The following GPM6A variants were observed in gnomAD, a reference collection of about 807,000 sequenced individuals.
The protein encoded by GPM6A is glycoprotein M6A.
In GPM6A, 7 loss-of-function variants were observed where a neutral mutation model predicts 32.1. The ratio of observed to expected loss-of-function variants is 0.22; its 90% CI spans 0.12 to 0.41. GPM6A has a LOEUF of 0.41. GPM6A is among the 10% of genes least tolerant of loss of function. GPM6A has a pLI of 1.00. For synonymous variants in GPM6A, 130 were observed against 123.4 expected, an observed-to-expected ratio of 1.05 and a Z score of -0.35; for missense variants, 235 against 347.2, an observed-to-expected ratio of 0.68 and a Z score of 2.57.
At chr4:175,709,894 A>G (rs1050268576) in intron 1 of GPM6A, among the ~76,000 whole-genome samples, 3 of 152,194 alleles carry the variant, frequency 2.0e-5, no homozygotes, top group Non-Finnish European at 4.4e-5. Flanking sequence ...GCTAGTCATG[A>G]TATCAGAATA....
chr4:175,936,175 G>A (rs1191805893), intron 1 of GPM6A, among the ~76,000 whole-genome samples: 7 of 150,472 alleles, frequency 4.7e-5, no homozygotes, highest in African/African-American at 1.7e-4. Flanking sequence ...GCTTGGTGGC[G>A]GGCGCCTGTA....
chr4:175,754,039 A>T (rs886550264), intron 1 of GPM6A, among the ~76,000 whole-genome samples: 1 of 152,148 alleles, frequency 6.6e-6, no homozygotes, highest in Non-Finnish European at 1.5e-5. Context: ...CAATCTATCA[A>T]TTCACTTGTT....
intron 1 of GPM6A, among the ~76,000 whole-genome samples, chr4:175,928,157 G>A (rs1265284063): frequency 2.0e-5 from 3 of 152,048 alleles, no homozygotes; most frequent in East Asian, 1.9e-4. Flanking sequence ...ATAAGTGTCC[G>A]GAAGTGAGCA....
chr4:175,662,021 T>A lies in GPM6A; in HGVS notation c.388-10034A>T, dbSNP rs189869558. On this transcript the variant is annotated intron_variant, in intron 3 of 6. Coordinates refer to ENST00000393658, the MANE Select transcript of GPM6A (RefSeq NM_201591.3). ...ATATAGACTGAAATGATAAATTTTTTTAAAAAAAATTACATCCAGGTTTGT... is the reference window on the plus strand; with the variant it reads ...ATATAGACTGAAATGATAAATTTTTATAAAAAAAATTACATCCAGGTTTGT... Among the ~76,000 whole-genome samples the A allele has an allele frequency of 4.0e-3, 610 of 152,206 alleles. 6 individuals carry two copies. Among genetic ancestry groups the A allele is most frequent in the Middle Eastern group, 0.017 (5 of 294 alleles).
At chr4:175,841,998 A>T (rs1735951821) in intron 1 of GPM6A, among the ~76,000 whole-genome samples, 1 of 152,038 alleles carries the variant, frequency 6.6e-6, no homozygotes, top group Admixed American at 6.6e-5. Flanking sequence ...AGCCAAAATA[A>T]TTTTTTCATT....
intron 1 of GPM6A, among the ~76,000 whole-genome samples, chr4:175,900,497 C>CCA (rs1579610255): frequency 6.9e-6 from 1 of 144,188 alleles, no homozygotes; most frequent in East Asian, 2.0e-4. Flanking sequence ...ATACAAATGG[C>CCA]AAAAAAAAAA....
chr4:175,655,222 A>G (rs1381905865), intron 3 of GPM6A, among the ~76,000 whole-genome samples: 1 of 152,152 alleles, frequency 6.6e-6, no homozygotes, highest in African/African-American at 2.4e-5. Flanking sequence ...GTTTTGTTCT[A>G]GAAAAATGCA....
chr4:175,958,173 G>T (rs1487880053), intron 1 of GPM6A, among the ~76,000 whole-genome samples: 1 of 152,194 alleles, frequency 6.6e-6, no homozygotes, highest in African/African-American at 2.4e-5. Flanking sequence ...GATTACAGGC[G>T]TGAGCCACCA....
At chr4:175,944,889 G>A (rs1739539142) in intron 1 of GPM6A, among the ~76,000 whole-genome samples, 1 of 151,770 alleles carries the variant, frequency 6.6e-6, no homozygotes, top group African/African-American at 2.4e-5. Flanking sequence ...CATAAATACA[G>A]ACGTCTCAGT....
chr4:175,839,194 A>G (rs1735865609), intron 1 of GPM6A, among the ~76,000 whole-genome samples: 1 of 152,200 alleles, frequency 6.6e-6, no homozygotes, highest in Admixed American at 6.5e-5. Context: ...TTGACTCAAC[A>G]CTTCAAATTA....
chr4:175,996,927 TA>T (rs1453831609), intron 1 of GPM6A, among the ~76,000 whole-genome samples: 1 of 152,054 alleles, frequency 6.6e-6, no homozygotes, highest in Non-Finnish European at 1.5e-5. Context: ...TGCTAGATCA[TA>T]AGAATCTTTG....
At chr4:175,813,265 AG>A, upstream of GPM6A, among the ~76,000 whole-genome samples, 1 of 152,318 alleles carries the variant, frequency 6.6e-6, no homozygotes, top group East Asian at 1.9e-4. Flanking sequence ...AAGAAACAAG[AG>A]GATAGCAATT....
chr4:175,867,577 T>G (rs1736778997), intron 1 of GPM6A, among the ~76,000 whole-genome samples: 1 of 152,216 alleles, frequency 6.6e-6, no homozygotes, highest in Non-Finnish European at 1.5e-5. Flanking sequence ...TGGGGCTATT[T>G]CTGGGCTCTC....
At chr4:175,735,213 G>A (rs938283954) in intron 1 of GPM6A, among the ~76,000 whole-genome samples, 8 of 152,128 alleles carry the variant, frequency 5.3e-5, no homozygotes, top group African/African-American at 1.9e-4. Flanking sequence ...ACAGGCTGAA[G>A]AATTAGTGTG....
rs372749725 is a variant in GPM6A at position 175,841,750 on chromosome 4, AT to A, written c.-22-29502del. On this transcript the variant is annotated intron_variant, in intron 1 of 7. Coordinates refer to the GPM6A transcript ENST00000280187. ...ATGTTAGCCTGTTTTATAACATAAC[AT>A]TTTTATAAATGGAGGGATTATAAGG... 9.7e-3 allele frequency among the ~76,000 whole-genome samples: 1,482 copies of A among 152,306 alleles called. 35 individuals carry two copies. Among genetic ancestry groups the A allele is most frequent in the South Asian group, 0.094 (453 of 4,832 alleles).
intron 1 of GPM6A, among the ~76,000 whole-genome samples, chr4:175,997,688 G>C (rs535119162): frequency 2.0e-5 from 3 of 151,922 alleles, no homozygotes; most frequent in Non-Finnish European, 4.4e-5. Flanking sequence ...TGAAAAAAAA[G>C]GTATGAGCTC....
intron 1 of GPM6A, among the ~76,000 whole-genome samples, chr4:175,834,585 T>C (rs1735708442): frequency 6.6e-6 from 1 of 152,120 alleles, no homozygotes; most frequent in Non-Finnish European, 1.5e-5. Flanking sequence ...TAATCCTGCA[T>C]GGAACGGATT....
chr4:175,775,306 C>A (rs1460466047), intron 1 of GPM6A, among the ~76,000 whole-genome samples: 1 of 151,978 alleles, frequency 6.6e-6, no homozygotes, highest in Admixed American at 6.6e-5. Flanking sequence ...ATGAAGATCC[C>A]AGATATTTTG....
At chr4:175,915,240 T>C (rs1347603559) in intron 1 of GPM6A, among the ~76,000 whole-genome samples, 1 of 152,072 alleles carries the variant, frequency 6.6e-6, no homozygotes, top group Non-Finnish European at 1.5e-5. Context: ...GAGAAATATT[T>C]GTAACATCTA....
Sources: allele counts gnomAD v4.1 joint callset (sites outside exome capture counted in the v4.1 genomes callset), GRCh38; gene constraint gnomAD v4.1.1; transcripts MANE v1.5; gene names NCBI Gene and HGNC (gene_info 2026-07-23, HGNC 2026-07-21).